Variants in MLIP observed in about 807,000 individuals in gnomAD.
The protein encoded by MLIP is muscular LMNA interacting protein, also known as muscular LMNA-interacting protein.
Under a neutral mutation model 84.8 loss-of-function variants are expected in MLIP, and 79 were observed. The ratio of observed to expected loss-of-function variants is 0.93; its 90% CI spans 0.78 to 1.12. MLIP has a LOEUF of 1.12. Ranked by LOEUF, MLIP falls within the 50% of genes most tolerant of loss-of-function variation. The pLI is 0.00. For synonymous variants in MLIP, 504 were observed against 463.0 expected, an observed-to-expected ratio of 1.09 and a Z score of -1.14; for missense variants, 1,257 against 1,160.6, an observed-to-expected ratio of 1.08 and a Z score of -1.21.
chr6:54,146,598 A>C (rs1772865342), intron 4 of MLIP, among the ~76,000 whole-genome samples: 1 of 152,218 alleles, frequency 6.6e-6, no homozygotes, highest in Admixed American at 6.5e-5. Flanking sequence ...CTTAGACCTG[A>C]ATGTTCTGCC....
At chr6:54,185,140 G>T (rs1777263066) in intron 9 of MLIP, among the ~76,000 whole-genome samples, 1 of 152,144 alleles carries the variant, frequency 6.6e-6, no homozygotes, top group African/African-American at 2.4e-5. Context: ...CATAATTATA[G>T]CTATAACTTC....
intron 1 of MLIP, among the ~76,000 whole-genome samples, chr6:54,032,610 G>A (rs1764203406): frequency 6.6e-6 from 1 of 152,154 alleles, no homozygotes; most frequent in Non-Finnish European, 1.5e-5. Flanking sequence ...CTGGAGTGCA[G>A]TGGTGCAATT....
intron 1 of MLIP, among the ~76,000 whole-genome samples, chr6:54,093,175 C>A (rs1767972243): frequency 6.6e-6 from 1 of 152,118 alleles, no homozygotes; most frequent in Admixed American, 6.6e-5. Flanking sequence ...CCATGCCCAG[C>A]CCGAGTTATT....
exon 1 of MLIP, chr6:54,019,072 A>G: frequency 6.2e-7 from 1 of 1,611,668 alleles, no homozygotes; most frequent in South Asian, 1.1e-5. Flanking sequence ...TTAAACAAGA[A>G]TTTAGAGGAG....
chr6:54,081,471 G>T (rs1262103239), intron 1 of MLIP, among the ~76,000 whole-genome samples: 1 of 152,058 alleles, frequency 6.6e-6, no homozygotes, highest in Non-Finnish European at 1.5e-5. Flanking sequence ...GCAATGGCGC[G>T]ATCTCCGCTC....
intron 9 of MLIP, among the ~76,000 whole-genome samples, chr6:54,176,385 G>A (rs1239216263): frequency 6.6e-6 from 1 of 151,836 alleles, no homozygotes; most frequent in Non-Finnish European, 1.5e-5. Flanking sequence ...GCTTTACTGG[G>A]AGACTTTTTA....
intron 1 of MLIP, among the ~76,000 whole-genome samples, chr6:54,098,330 C>CTTT (rs11418224): frequency 3.4e-4 from 39 of 116,252 alleles, no homozygotes; most frequent in Admixed American, 6.3e-4. Flanking sequence ...TTTTTAATTT[C>CTTT]TTTTTTTTTT....
At chr6:54,114,572 G>A (rs1207377301) in intron 1 of MLIP, among the ~76,000 whole-genome samples, 3 of 152,082 alleles carry the variant, frequency 2.0e-5, no homozygotes, top group Admixed American at 2.0e-4. Context: ...TATTACTGCA[G>A]CAAACTACAT....
chr6:54,225,993 G>T (rs979118026), intron 11 of MLIP, among the ~76,000 whole-genome samples: 7 of 152,162 alleles, frequency 4.6e-5, no homozygotes, highest in African/African-American at 1.7e-4. Flanking sequence ...TAAATCCTAG[G>T]CTGGCCAGGG....
intron 13 of MLIP, among the ~76,000 whole-genome samples, chr6:54,258,468 G>T (rs1009242067): frequency 1.3e-5 from 2 of 151,886 alleles, no homozygotes; most frequent in Non-Finnish European, 2.9e-5. Flanking sequence ...CCACATCTCT[G>T]GTTACTTTTT....
intron 11 of MLIP, chr6:54,216,521 T>C: frequency 1.2e-5 from 12 of 985,444 alleles, no homozygotes; most frequent in Non-Finnish European, 1.4e-5. Flanking sequence ...ATCTGTTCTG[T>C]GAAACTTGCT....
chr6:54,256,262 G>A (rs768825939), intron 12 of MLIP, among the ~76,000 whole-genome samples: 2 of 152,176 alleles, frequency 1.3e-5, no homozygotes, highest in Admixed American at 6.5e-5. Flanking sequence ...CTGAGGAAAT[G>A]TCAGGTGGAG....
intron 1 of MLIP, among the ~76,000 whole-genome samples, chr6:54,120,186 A>G (rs1280858970): frequency 6.6e-6 from 1 of 151,822 alleles, no homozygotes; most frequent in African/African-American, 2.4e-5. Flanking sequence ...TTAGTCCTCA[A>G]CTTATGCTTT....
At chr6:54,123,099 A>AG (rs1770605616) in intron 2 of MLIP, among the ~76,000 whole-genome samples, 1 of 121,900 alleles carries the variant, frequency 8.2e-6, no homozygotes, top group Non-Finnish European at 1.7e-5. Context: ...GCGCCCGGCT[A>AG]ATTTTTTTTG....
chr6:54,020,602 G>T (rs1446566924), intron 1 of MLIP, among the ~76,000 whole-genome samples: 1 of 152,148 alleles, frequency 6.6e-6, no homozygotes, highest in Non-Finnish European at 1.5e-5. Context: ...AAGTGAAGAT[G>T]GACTCTTCTT....
At chr6:54,155,649 A>T (rs893740001) in intron 5 of MLIP, among the ~76,000 whole-genome samples, 2 of 152,132 alleles carry the variant, frequency 1.3e-5, no homozygotes, top group African/African-American at 4.8e-5. Flanking sequence ...CAGTTTCATC[A>T]GGGACACTCA....
chr6:54,206,521 T>C (rs1430169999), intron 11 of MLIP, among the ~76,000 whole-genome samples: 1 of 152,186 alleles, frequency 6.6e-6, no homozygotes, highest in African/African-American at 2.4e-5. Context: ...ATATTTTCTA[T>C]GAAGATGACC....
chr6:54,122,845 A>G (rs775700691), intron 2 of MLIP, among the ~76,000 whole-genome samples: 7 of 152,202 alleles, frequency 4.6e-5, no homozygotes, highest in Non-Finnish European at 8.8e-5. Flanking sequence ...TTGCAATGAT[A>G]TATATACAAC....
In MLIP at chr6:54,065,901, C is replaced by CT. The variant is rs58947839; in HGVS notation, c.63+46818dup. Among the ~76,000 whole-genome samples the CT allele has an allele frequency of 4.1e-5, 4 of 97,544 alleles. 1 individual carries two copies. Among genetic ancestry groups the CT allele is most frequent in the African/African-American group, 1.0e-4 (4 of 38,706 alleles). The allele number at this position is 97,544 out of a possible 152,430, so 64.0% of individuals were successfully genotyped here. A position where few individuals can be genotyped will look rare whatever the true frequency, so the allele number is the denominator to read the frequency against. On this transcript the variant is annotated intron_variant, in intron 1 of 12. Coordinates refer to the MLIP transcript ENST00000274897. ...TCTGACTCTGTTAACTGTATGTAGT[C>CT]TTTTTTTTGATAAACTCTTCCAGTT... is the stretch of plus-strand genomic sequence containing the variant.
Sources: allele counts gnomAD v4.1 joint callset (sites outside exome capture counted in the v4.1 genomes callset), GRCh38; gene constraint gnomAD v4.1.1; transcripts MANE v1.5; gene names NCBI Gene and HGNC (gene_info 2026-07-23, HGNC 2026-07-21).